The following ANKRD46 variants were observed in gnomAD, a reference collection of about 807,000 sequenced individuals.
ANKRD46 encodes the protein ankyrin repeat domain-containing protein 46.
Under a neutral mutation model 19.8 loss-of-function variants are expected in ANKRD46, and 13 were observed. That is an observed-to-expected ratio of 0.66 (90% CI 0.43 to 1.04). The LOEUF is 1.04. ANKRD46 is among the 50% of genes least tolerant of loss of function. The pLI is 0.00. For missense variants in ANKRD46, 185 were observed against 274.8 expected, an observed-to-expected ratio of 0.67 and a Z score of 2.31; for synonymous variants, 91 against 106.9, an observed-to-expected ratio of 0.85 and a Z score of 0.92.
chr8:100,536,670 T>C lies in ANKRD46; in HGVS notation c.-130-3359A>G, dbSNP rs1812070061. 6.6e-6 allele frequency among the ~76,000 whole-genome samples: 1 copy of C among 152,106 alleles called. No homozygotes were observed. Among genetic ancestry groups the C allele is most frequent in the African/African-American group, 2.4e-5 (1 of 41,422 alleles). On this transcript the variant is annotated intron_variant, in intron 1 of 4. Transcript: ENST00000335659. This position sits in a 1 kb window ranked among gnomAD's most constrained non-coding sequence, Gnocchi z 4.9. ...GGTTCCTGGCAGAGGAAAAACCACA[T>C]AGTCTAGTGCAAGAACAGTCAATAT...
At position 100,536,226 on chromosome 8, in the gene ANKRD46, T is replaced by A. The variant is rs1356333725; in HGVS notation, c.-130-2915A>T. On this transcript the variant is annotated intron_variant, in intron 1 of 4. Coordinates refer to ENST00000335659, the MANE Select transcript of ANKRD46 (RefSeq NM_001270377.2). This position sits in a 1 kb window ranked among gnomAD's most constrained non-coding sequence, Gnocchi z 4.9. ...AGGACTGAGTCTGTGCCCCTGTGAA[T>A]GGATGTGAAACCTAAGTAAACATAA... Among the ~76,000 whole-genome samples the A allele has an allele frequency of 5.3e-5, 8 of 152,132 alleles. No individual in the cohort carries two copies. The highest frequency in any genetic ancestry group is 1.2e-4 in the Non-Finnish European group (8 of 68,028).
At chr8:100,554,359 T>C (rs970799527) in intron 1 of ANKRD46, among the ~76,000 whole-genome samples, 4 of 152,222 alleles carry the variant, frequency 2.6e-5, no homozygotes. Context: ...TCCTTTGTAA[T>C]TGATTTTGGT....
chr8:100,541,435 C>T (rs114690219), intron 1 of ANKRD46, among the ~76,000 whole-genome samples: 4,282 of 152,242 alleles, frequency 0.028, 207 homozygotes, highest in African/African-American at 0.096. Flanking sequence ...AGTCACGTGT[C>T]GCTTAATGAT....
At chr8:100,541,850 T>C (rs1028808814) in intron 1 of ANKRD46, among the ~76,000 whole-genome samples, 1 of 152,206 alleles carries the variant, frequency 6.6e-6, no homozygotes, top group African/African-American at 2.4e-5. Context: ...TATGTTTAGA[T>C]ACACAAATAT....
chr8:100,520,349 A>G (rs1287453615), downstream of ANKRD46, among the ~76,000 whole-genome samples: 1 of 152,212 alleles, frequency 6.6e-6, no homozygotes, highest in Non-Finnish European at 1.5e-5. Context: ...ACAGCGGGAC[A>G]GGAGGAAAGC....
intron 1 of ANKRD46, among the ~76,000 whole-genome samples, chr8:100,552,252 G>A (rs191869597): frequency 7.5e-4 from 113 of 150,250 alleles, no homozygotes; most frequent in African/African-American, 2.6e-3. Context: ...ATTCCTTTTC[G>A]TCTGAGATCA....
At chr8:100,553,916 A>C (rs1812444425) in intron 1 of ANKRD46, among the ~76,000 whole-genome samples, 1 of 152,236 alleles carries the variant, frequency 6.6e-6, no homozygotes, top group African/African-American at 2.4e-5. Context: ...AAGGTAGCTA[A>C]ATAAACCATT....
At chr8:100,539,855 C>G (rs1437391966) in intron 1 of ANKRD46, among the ~76,000 whole-genome samples, 1 of 152,076 alleles carries the variant, frequency 6.6e-6, no homozygotes, top group Non-Finnish European at 1.5e-5. Flanking sequence ...TCGAGACTAG[C>G]CTGGGCAACA....
At chr8:100,519,485 T>C (rs999112127), downstream of ANKRD46, among the ~76,000 whole-genome samples, 5 of 152,260 alleles carry the variant, frequency 3.3e-5, no homozygotes, top group Non-Finnish European at 5.9e-5. Context: ...AAACGGGCTT[T>C]ATGTAACTGG....
chr8:100,528,766 C>T (rs1811896064), intron 3 of ANKRD46, among the ~76,000 whole-genome samples: 1 of 152,110 alleles, frequency 6.6e-6, no homozygotes, highest in Non-Finnish European at 1.5e-5. Context: ...CCATTTTGTC[C>T]TGCAGAAACA....
chr8:100,553,181 AC>A (rs1338255112), intron 1 of ANKRD46, among the ~76,000 whole-genome samples: 1 of 152,256 alleles, frequency 6.6e-6, no homozygotes, highest in Non-Finnish European at 1.5e-5. Flanking sequence ...TTCTGAATAA[AC>A]AAGTGAAATA....
chr8:100,519,851 G>C (rs1026256602), downstream of ANKRD46, among the ~76,000 whole-genome samples: 1 of 152,162 alleles, frequency 6.6e-6, no homozygotes, highest in African/African-American at 2.4e-5. Flanking sequence ...GCTTGTTGCG[G>C]GGGATGCATA....
chr8:100,525,990 A>G lies in ANKRD46; in HGVS notation c.470+1855T>C, dbSNP rs1198723746. On this transcript the variant is annotated intron_variant, in intron 4 of 4. Coordinates refer to ENST00000335659, the MANE Select transcript of ANKRD46 (RefSeq NM_001270377.2). This position sits in a 1 kb window ranked among gnomAD's most constrained non-coding sequence, Gnocchi z 4.4. ...TCATTTGCATTTTCCTAATGACATT[A>G]CCTTTCAACTTTCTGATTTAAGCTT... Among the ~76,000 whole-genome samples the G allele has an allele frequency of 6.6e-6, 1 of 152,188 alleles. No homozygotes were observed. Among genetic ancestry groups the G allele is most frequent in the Non-Finnish European group, 1.5e-5 (1 of 68,026 alleles).
rs1563925319 is a variant in ANKRD46 at position 100,522,585 on chromosome 8, G to A, written c.657C>T (p.Phe219=). 3 of 1,613,792 alleles carry A rather than the reference G, an allele frequency of 1.9e-6. No individual in the cohort carries two copies. The highest frequency in any genetic ancestry group is 1.6e-4 in the Middle Eastern group (1 of 6,084). Residue 219 remains phenylalanine, a synonymous_variant, in exon 5 of 5, where the codon TTC becomes TTT. Coordinates refer to ENST00000335659, the MANE Select transcript of ANKRD46 (RefSeq NM_001270377.2). ...IAYYVSGVLP[F]VENQPELVH Reference sequence around the variant, plus strand: ...GCACCAGTTCAGGCTGGTTTTCCACGAAGGGTAGCACCCCACTCACATAAT... The same window carrying A: ...GCACCAGTTCAGGCTGGTTTTCCACAAAGGGTAGCACCCCACTCACATAAT...
At position 100,511,352 on chromosome 8, in the gene ANKRD46, A is replaced by G. The variant is rs1053960701; in HGVS notation, c.637-713T>C. On this transcript the variant is annotated intron_variant, in intron 5 of 5. Coordinates refer to the ANKRD46 transcript ENST00000520552. This position sits in a 1 kb window ranked among gnomAD's most constrained non-coding sequence, Gnocchi z 4.1. ...TCACCACCACACTCTTCTGCCTCCCAGTCACAAAAGAGTGGGTGTTTATGA... is the reference window on the plus strand; with the variant it reads ...TCACCACCACACTCTTCTGCCTCCCGGTCACAAAAGAGTGGGTGTTTATGA... Among the ~76,000 whole-genome samples the G allele has an allele frequency of 6.6e-6, 1 of 152,114 alleles. No homozygotes were observed. Among genetic ancestry groups the G allele is most frequent in the East Asian group, 1.9e-4 (1 of 5,190 alleles).
chr8:100,548,078 C>T (rs1281616004), intron 1 of ANKRD46, among the ~76,000 whole-genome samples: 2 of 151,876 alleles, frequency 1.3e-5, no homozygotes, highest in Non-Finnish European at 2.9e-5. Flanking sequence ...TCCATTTCCA[C>T]TTCTGCCTCT....
chr8:100,522,061 C>T lies in ANKRD46; in HGVS notation c.*494G>A. ...TAGATGCTAACAATACTAATTTGCA[C>T]ACAAGATTTGAAAAAAGTACTTCAA... is the stretch of plus-strand genomic sequence containing the variant. On this transcript the variant is annotated 3_prime_UTR_variant, in exon 5 of 5. Transcript: ENST00000335659. The T allele has an allele frequency of 2.0e-6, 2 of 986,632 alleles. No individual in the cohort carries two copies. The highest frequency in any genetic ancestry group is 2.4e-6 in the Non-Finnish European group (2 of 830,590). 61.1% of individuals were successfully genotyped at this position (986,632 alleles called of 1,614,324 possible). A position where few individuals can be genotyped will look rare whatever the true frequency, so the allele number is the denominator to read the frequency against.
At chr8:100,551,761 G>C (rs1488948231) in intron 1 of ANKRD46, 1 of 507,552 alleles carries the variant, frequency 2.0e-6, no homozygotes, top group Non-Finnish European at 3.7e-6. Context: ...AGCACTGAGT[G>C]ACCTCAGCCA....
At position 100,550,403 on chromosome 8, in the gene ANKRD46, C is replaced by G. The variant is rs1812359716; in HGVS notation, c.-131+9308G>C. The G allele has an allele frequency of 6.6e-6, 1 of 152,220 alleles. No individual in the cohort carries two copies. The highest frequency in any genetic ancestry group is 1.5e-5 in the Non-Finnish European group (1 of 68,080). The allele number at this position is 152,220 out of a possible 1,614,324, so 9.4% of individuals were successfully genotyped here. On this transcript the variant is annotated intron_variant, in intron 1 of 4. Transcript: ENST00000335659. The surrounding 1 kb of genome is among the most constrained non-coding windows in gnomAD (Gnocchi z 4.4). ...GATCTCATTGTTTTAATTTGCATTT[C>G]CCTGATGACATATGACGTGGAGCAT...
Sources: allele counts gnomAD v4.1 joint callset (sites outside exome capture counted in the v4.1 genomes callset), GRCh38; gene constraint gnomAD v4.1.1; non-coding constraint Gnocchi (gnomAD v3.1); transcripts MANE v1.5; gene names NCBI Gene and HGNC (gene_info 2026-07-23, HGNC 2026-07-21).